The following TNR variants were observed in gnomAD, a reference collection of about 807,000 sequenced individuals.
TNR encodes the protein tenascin R.
In TNR, 45 loss-of-function variants were observed where a neutral mutation model predicts 150.4. The ratio of observed to expected loss-of-function variants is 0.30; its 90% CI spans 0.24 to 0.38. The LOEUF is 0.38. TNR is among the 10% of genes least tolerant of loss of function. TNR has a pLI of 1.00. For missense variants in TNR, 1,544 were observed against 1,759.1 expected (o/e 0.88, Z 2.19); for synonymous variants, 687 against 678.4 (o/e 1.01, Z -0.20).
At chr1:175,696,879 CAA>C (rs66502339) in intron 1 of TNR, among the ~76,000 whole-genome samples, 51,636 of 110,172 alleles carry the variant, frequency 0.47, 9,437 homozygotes, top group East Asian at 0.67. Flanking sequence ...AACTCCATCT[CAA>C]AAAAAAAAAA....
At position 175,524,352 on chromosome 1, in the gene TNR, G is replaced by A. The variant is rs144319291; in HGVS notation, c.-64+3917C>T. 1.4e-4 allele frequency among the ~76,000 whole-genome samples: 22 copies of A among 152,232 alleles called. 1 individual carries two copies. In the East Asian group the frequency reaches 3.1e-3, roughly 21 times the overall value. On this transcript the variant is annotated intron_variant, in intron 2 of 22. Transcript: ENST00000367674. ...AAGTAAATGGTGAGAAGTGAATGGA[G>A]AATGTTCTTCCCTGGAATCCAGGAC...
At chr1:175,497,927 G>A (rs1658556198) in intron 2 of TNR, among the ~76,000 whole-genome samples, 1 of 152,130 alleles carries the variant, frequency 6.6e-6, no homozygotes, top group Admixed American at 6.5e-5. Flanking sequence ...GGGCGTGGTG[G>A]TGTGCACCTG....
chr1:175,691,959 A>G (rs184595554), intron 1 of TNR, among the ~76,000 whole-genome samples: 133 of 152,274 alleles, frequency 8.7e-4, no homozygotes, highest in African/African-American at 2.7e-3. Flanking sequence ...ACCCACATTC[A>G]TCTCTACAAC....
intron 1 of TNR, among the ~76,000 whole-genome samples, chr1:175,615,395 A>C (rs1006072563): frequency 5.3e-5 from 8 of 152,172 alleles, no homozygotes; most frequent in Admixed American, 2.0e-4. Context: ...GATTTTAAAC[A>C]TGTATTGGGA....
At position 175,479,530 on chromosome 1, in the gene TNR, C is replaced by T. The variant is rs139649702; in HGVS notation, c.-64+48739G>A. On this transcript the variant is annotated intron_variant, in intron 2 of 22. Transcript: ENST00000367674. ...TGGTGACCTATCACCTCAAACTCAGCTCCCTAAATTCTCAAGTTTTCCATG... is the reference window on the plus strand; with the variant it reads ...TGGTGACCTATCACCTCAAACTCAGTTCCCTAAATTCTCAAGTTTTCCATG... Among the ~76,000 whole-genome samples, 1,275 of 152,310 alleles carry T rather than the reference C, an allele frequency of 8.4e-3. 10 individuals are homozygous for T. Among genetic ancestry groups the T allele is most frequent in the African/African-American group, 0.029 (1,194 of 41,570 alleles).
At chr1:175,641,908 C>G (rs1379599307) in intron 1 of TNR, among the ~76,000 whole-genome samples, 1 of 152,036 alleles carries the variant, frequency 6.6e-6, no homozygotes, top group Non-Finnish European at 1.5e-5. Context: ...CAATGTACTT[C>G]GGTTCAGTTT....
At chr1:175,463,818 A>C (rs1382147553) in intron 2 of TNR, among the ~76,000 whole-genome samples, 18 of 152,190 alleles carry the variant, frequency 1.2e-4, no homozygotes. Flanking sequence ...GTTCAACCAA[A>C]CTGGGATTCT....
intron 9 of TNR, among the ~76,000 whole-genome samples, chr1:175,368,493 T>C (rs934547728): frequency 2.0e-5 from 3 of 152,240 alleles, no homozygotes; most frequent in Non-Finnish European, 4.4e-5. Flanking sequence ...TAGTACAGGC[T>C]AGTCTCTCCT....
Position 175,583,230 on chromosome 1 carries a change from T to C in TNR, c.-164-54861A>G, listed in dbSNP as rs749357637. Among the ~76,000 whole-genome samples the C allele has an allele frequency of 1.4e-4, 22 of 152,036 alleles. 1 individual carries two copies. Among genetic ancestry groups the C allele is most frequent in the African/African-American group, 5.1e-4 (21 of 41,452 alleles). ...TGCCCGAGTAGAACACAGGTGGCCA[T>C]AGTTTGAAATCCAGGAGACCTTCCA... On this transcript the variant is annotated intron_variant, in intron 1 of 22. Coordinates refer to ENST00000367674, the MANE Select transcript of TNR (RefSeq NM_003285.3).
intron 1 of TNR, among the ~76,000 whole-genome samples, chr1:175,624,459 G>A (rs552499169): frequency 2.0e-5 from 3 of 152,248 alleles, no homozygotes; most frequent in Middle Eastern, 3.4e-3. Context: ...AAAAGGAGAT[G>A]AGACAGATAC....
intron 2 of TNR, among the ~76,000 whole-genome samples, chr1:175,453,415 C>CA: frequency 6.6e-6 from 1 of 152,134 alleles, no homozygotes. Context: ...CACAGACTGC[C>CA]AGGTACTAGA....
intron 2 of TNR, among the ~76,000 whole-genome samples, chr1:175,424,491 A>G (rs1174009657): frequency 1.3e-5 from 2 of 152,234 alleles, no homozygotes; most frequent in African/African-American, 2.4e-5. Flanking sequence ...ATTGTGTCTA[A>G]ACCCCACAGC....
intron 2 of TNR, among the ~76,000 whole-genome samples, chr1:175,476,475 C>G (rs1448624931): frequency 6.6e-6 from 1 of 152,178 alleles, no homozygotes; most frequent in Non-Finnish European, 1.5e-5. Context: ...TGAGGTACTA[C>G]TTTGAGCACC....
intron 2 of TNR, among the ~76,000 whole-genome samples, chr1:175,509,841 T>C (rs1304891879): frequency 2.0e-5 from 3 of 152,222 alleles, no homozygotes; most frequent in East Asian, 1.9e-4. Flanking sequence ...CTTCCTTCTT[T>C]TTCCTGAGGA....
chr1:175,403,116 A>T, intron 4 of TNR, 24 bp downstream of exon 4: 1 of 1,582,540 alleles, frequency 6.3e-7, no homozygotes, highest in Non-Finnish European at 8.6e-7. Flanking sequence ...CTTGCCAAAC[A>T]CCCCAGAGAG....
In TNR at chr1:175,386,023, C is replaced by G; in HGVS notation, c.1777+9G>C. ...CTCCTTGTGCGTCTCTCCCCCACCG[C>G]AGCCTTACCTGTTGTGAACTGAGTG... On this transcript the variant is annotated intron_variant, in intron 8 of 22. Coordinates refer to ENST00000367674, the MANE Select transcript of TNR (RefSeq NM_003285.3). The G allele has an allele frequency of 6.4e-7, 1 of 1,558,574 alleles. No homozygotes were observed. Among genetic ancestry groups the G allele is most frequent in the South Asian group, 1.2e-5 (1 of 84,870 alleles).
At chr1:175,538,056 A>G (rs1204807191) in intron 1 of TNR, among the ~76,000 whole-genome samples, 1 of 152,232 alleles carries the variant, frequency 6.6e-6, no homozygotes, top group Non-Finnish European at 1.5e-5. Flanking sequence ...AGGGCAAAAT[A>G]TGGGAGGTAA....
At chr1:175,708,018 T>TTGTGTGTG (rs10676470) in intron 1 of TNR, among the ~76,000 whole-genome samples, 97 of 144,750 alleles carry the variant, frequency 6.7e-4, no homozygotes, top group African/African-American at 1.7e-3. Context: ...ATGTGTGTGT[T>TTGTGTGTG]TGTGTGTGTG....
At chr1:175,598,749 T>C (rs1020851896) in intron 1 of TNR, among the ~76,000 whole-genome samples, 72 of 152,192 alleles carry the variant, frequency 4.7e-4, no homozygotes, top group Non-Finnish European at 1.5e-5. Flanking sequence ...CCAGAGACTT[T>C]AGTCAAGTGT....
Sources: gnomAD v4.1 joint callset for allele counts (sites outside exome capture counted in the v4.1 genomes callset) on GRCh38, gnomAD v4.1.1 for gene constraint, MANE v1.5 for transcripts, NCBI Gene and HGNC (gene_info 2026-07-23, HGNC 2026-07-21) for gene names.